The following AGMO variants were observed in gnomAD, a reference collection of about 807,000 sequenced individuals.
The protein encoded by AGMO is glyceryl-ether monooxygenase.
Under a neutral mutation model 60.2 loss-of-function variants are expected in AGMO, and 75 were observed. That is an observed-to-expected ratio of 1.25 (90% confidence interval 1.03 to 1.51). The LOEUF (loss-of-function observed/expected upper bound fraction) is 1.51. AGMO is among the 40% of genes most tolerant of loss of function. The pLI, the probability that AGMO is intolerant of heterozygous loss-of-function variation, is 0.00. For missense variants in AGMO, 763 were observed against 525.5 expected (o/e 1.45, Z -4.42); for synonymous variants, 261 against 177.1 (o/e 1.47, Z -3.76).
At chr7:15,118,875 T>C in the AGMO span, among the ~76,000 whole-genome samples, 4 of 102,784 alleles carry the variant, frequency 3.9e-5, no homozygotes, top group East Asian at 1.2e-3. Flanking sequence ...CAGACGTCAG[T>C]ATTTTTTTTT....
At chr7:15,212,023 G>A (rs1781605628) in intron 12 of AGMO, among the ~76,000 whole-genome samples, 1 of 151,900 alleles carries the variant, frequency 6.6e-6, no homozygotes, top group Non-Finnish European at 1.5e-5. Flanking sequence ...AGGAAGAAAG[G>A]TCAGAAAAAT....
At chr7:15,255,534 C>CAA (rs60035165) in intron 12 of AGMO, among the ~76,000 whole-genome samples, 6,485 of 115,724 alleles carry the variant, frequency 0.056, 310 homozygotes, top group African/African-American at 0.14. Flanking sequence ...TGTAAGAATA[C>CAA]AAAAAAAAAA....
At chr7:15,450,315 G>A (rs1781824378) in intron 3 of AGMO, among the ~76,000 whole-genome samples, 1 of 151,508 alleles carries the variant, frequency 6.6e-6, no homozygotes, top group African/African-American at 2.4e-5. Context: ...AGCGACTCGG[G>A]AGGCTGAGGC....
intron 3 of AGMO, among the ~76,000 whole-genome samples, chr7:15,470,542 T>C (rs1350162535): frequency 6.6e-6 from 1 of 151,994 alleles, no homozygotes; most frequent in Admixed American, 6.6e-5. Flanking sequence ...TAAACCTCAA[T>C]TTTCAGCTAT....
chr7:15,288,232 C>T (rs941559085), intron 12 of AGMO, among the ~76,000 whole-genome samples: 3 of 151,856 alleles, frequency 2.0e-5, no homozygotes, highest in African/African-American at 7.3e-5. Context: ...CGGAGTTTCA[C>T]CGTGTTAGCC....
intron 3 of AGMO, among the ~76,000 whole-genome samples, chr7:15,435,267 T>C (rs533570826): frequency 3.2e-4 from 48 of 152,168 alleles, no homozygotes; most frequent in African/African-American, 1.2e-3. Context: ...TATGCCTACA[T>C]TTACCTTGTT....
At chr7:15,450,413 C>T (rs1781827527) in intron 3 of AGMO, among the ~76,000 whole-genome samples, 1 of 148,752 alleles carries the variant, frequency 6.7e-6, no homozygotes, top group Non-Finnish European at 1.5e-5. Flanking sequence ...GAGCGAGTCT[C>T]CATCTCAAAA....
At chr7:15,453,249 T>C (rs1289904953) in intron 3 of AGMO, among the ~76,000 whole-genome samples, 1 of 152,100 alleles carries the variant, frequency 6.6e-6, no homozygotes, top group Admixed American at 6.5e-5. Flanking sequence ...TAAATTAAAA[T>C]AAAAACTTCT....
At chr7:15,407,603 A>G (rs1319698403) in intron 5 of AGMO, among the ~76,000 whole-genome samples, 1 of 151,818 alleles carries the variant, frequency 6.6e-6, no homozygotes, top group East Asian at 1.9e-4. Context: ...GGTATTGGAA[A>G]CATTGATTTG....
At chr7:15,534,629 CA>C (rs1784444645) in intron 3 of AGMO, among the ~76,000 whole-genome samples, 1 of 151,780 alleles carries the variant, frequency 6.6e-6, no homozygotes, top group East Asian at 1.9e-4. Context: ...AATTCCATTA[CA>C]ATTTGATAAA....
chr7:15,167,626 C>T, the AGMO span, among the ~76,000 whole-genome samples: 6 of 152,290 alleles, frequency 3.9e-5, no homozygotes, highest in East Asian at 5.8e-4. Flanking sequence ...CAAAAGTTCG[C>T]ACCTATCTAA....
chr7:15,177,285 GTTTC>G, the AGMO span, among the ~76,000 whole-genome samples: 112 of 151,954 alleles, frequency 7.4e-4, 1 homozygote, highest in African/African-American at 2.6e-3. Flanking sequence ...TGAAAAAGAT[GTTTC>G]TTTGTTTGTT....
intron 3 of AGMO, among the ~76,000 whole-genome samples, chr7:15,521,376 C>G (rs565750433): frequency 6.6e-6 from 1 of 152,248 alleles, no homozygotes; most frequent in South Asian, 2.1e-4. Flanking sequence ...ACACCAAAAC[C>G]TGGCAGAGGC....
intron 2 of AGMO, among the ~76,000 whole-genome samples, chr7:15,556,477 G>A (rs774137494): frequency 4.6e-5 from 7 of 151,908 alleles, no homozygotes; most frequent in Non-Finnish European, 8.8e-5. Flanking sequence ...CAGAATAAAT[G>A]AACCCATTAA....
intron 3 of AGMO, among the ~76,000 whole-genome samples, chr7:15,483,775 A>G (rs963682250): frequency 6.6e-6 from 1 of 152,194 alleles, no homozygotes; most frequent in Admixed American, 6.5e-5. Context: ...TATAAATTCA[A>G]TACAATTGTA....
chr7:15,546,132 G>C (rs529484798), intron 2 of AGMO, among the ~76,000 whole-genome samples: 33 of 151,976 alleles, frequency 2.2e-4, no homozygotes, highest in Non-Finnish European at 4.6e-4. Flanking sequence ...TTTAATTATT[G>C]TATGACTTTA....
chr7:15,268,315 T>G (rs1014933449), intron 12 of AGMO, among the ~76,000 whole-genome samples: 1 of 152,002 alleles, frequency 6.6e-6, no homozygotes, highest in Non-Finnish European at 1.5e-5. Context: ...TCAAGATCAT[T>G]TATTTCAAAA....
chr7:15,338,773 T>A (rs1162291669), intron 12 of AGMO, among the ~76,000 whole-genome samples: 1 of 152,200 alleles, frequency 6.6e-6, no homozygotes, highest in East Asian at 1.9e-4. Flanking sequence ...CTTTTCTTCC[T>A]CTGGAAAAGG....
intron 12 of AGMO, among the ~76,000 whole-genome samples, chr7:15,213,109 ATC>A (rs1221770277): frequency 3.3e-5 from 5 of 151,972 alleles, no homozygotes; most frequent in South Asian, 2.1e-4. Context: ...ATAAAAATAG[ATC>A]TTTTTTAAAA....
Sources: gnomAD v4.1 joint callset for allele counts (sites outside exome capture counted in the v4.1 genomes callset) on GRCh38, gnomAD v4.1.1 for gene constraint, MANE v1.5 for transcripts, NCBI Gene and HGNC (gene_info 2026-07-23, HGNC 2026-07-21) for gene names.